NXPH2: variants seen among roughly 807,000 people sequenced by gnomAD.
NXPH2 encodes neurexophilin-2.
NXPH2 carries 5 observed loss-of-function variants against 19.8 expected under a neutral mutation model. The observed-to-expected ratio is 0.25, with a 90% CI of 0.13 to 0.53. The LOEUF (loss-of-function observed/expected upper bound fraction) is 0.53, where lower values mean the gene tolerates loss of function less well. Ranked by LOEUF, NXPH2 falls within the 20% of genes least tolerant of loss-of-function variation. NXPH2 has a pLI of 0.96. For synonymous variants in NXPH2, 154 were observed against 127.4 expected (o/e 1.21, Z -1.41); for missense variants, 289 against 322.8 (o/e 0.90, Z 0.80).
Position 138,777,831 on chromosome 2 carries a change from T to TAAAAAA in NXPH2, c.51+2354_51+2359dup, listed in dbSNP as rs11299940. ...CTTCACTCCTCCCTCACCAAAAAAT[T>TAAAAAA]AAAAAAAAAAAAAAAAAAAAAAAGC... On this transcript the variant is annotated intron_variant, in intron 1 of 1. Coordinates refer to ENST00000272641, the MANE Select transcript of NXPH2 (RefSeq NM_007226.3). Among the ~76,000 whole-genome samples, 140 of 92,952 alleles carry TAAAAAA rather than the reference T, an allele frequency of 1.5e-3. 1 individual carries two copies. Among genetic ancestry groups the TAAAAAA allele is most frequent in the South Asian group, 2.2e-3 (5 of 2,304 alleles). 61.0% of individuals were successfully genotyped at this position (92,952 alleles called of 152,430 possible).
intron 1 of NXPH2, among the ~76,000 whole-genome samples, chr2:138,762,174 G>C (rs1429705923): frequency 1.3e-5 from 2 of 152,044 alleles, no homozygotes; most frequent in Non-Finnish European, 2.9e-5. Context: ...GGAGATGAGA[G>C]GTCAAAATAC....
rs181494502 is a variant in NXPH2, at chr2:138,756,545, G to A, written c.51+23646C>T. Among the ~76,000 whole-genome samples, 15 of 151,606 alleles carry A rather than the reference G, an allele frequency of 9.9e-5. No homozygotes were observed. The East Asian group carries it at 2.7e-3, about 27-fold the overall frequency. ...GTAGCTTTTACTTAATCTTTCAAAA[G>A]TGTTTAACTGAATTTTTATGAAAGA... On this transcript the variant is annotated intron_variant, in intron 1 of 1. Transcript: ENST00000272641.
At position 138,671,232 on chromosome 2, in the gene NXPH2, G is replaced by T. The variant is rs1680408934; in HGVS notation, c.485C>A (p.Pro162Gln). 1 of 1,613,658 alleles carries T rather than the reference G, an allele frequency of 6.2e-7. No individual in the cohort carries two copies. Among genetic ancestry groups the T allele is most frequent in the Admixed American group, 1.7e-5 (1 of 59,982 alleles). ...GLGNVSVSLV[P>Q]PSKVVEFEVS... Reference sequence around the variant, plus strand: ...TTCAAATTCCACCACCTTGGAGGGTGGTACCAAGCTCACTGAAACATTGCC... The same window carrying T: ...TTCAAATTCCACCACCTTGGAGGGTTGTACCAAGCTCACTGAAACATTGCC... The change falls in exon 2 of 2, where the codon CCA becomes CAA. Residue 162 changes from proline to glutamine, a missense_variant. Transcript: ENST00000272641.
chr2:138,756,665 C>T (rs566863603), intron 1 of NXPH2, among the ~76,000 whole-genome samples: 13 of 152,134 alleles, frequency 8.5e-5, no homozygotes, highest in Non-Finnish European at 1.8e-4. Flanking sequence ...GGCATAAATA[C>T]GTTGGATACA....
intron 1 of NXPH2, among the ~76,000 whole-genome samples, chr2:138,764,684 A>G (rs577000316): frequency 1.3e-5 from 2 of 152,338 alleles, no homozygotes; most frequent in East Asian, 3.9e-4. Flanking sequence ...AAATTATATA[A>G]CTGGTAAGAA....
intron 1 of NXPH2, among the ~76,000 whole-genome samples, chr2:138,760,263 A>G (rs960377069): frequency 2.4e-4 from 37 of 152,296 alleles, no homozygotes; most frequent in African/African-American, 8.4e-4. Context: ...AATGAGCAAT[A>G]AGACACTCAT....
chr2:138,753,222 G>A (rs1261226809), intron 1 of NXPH2, among the ~76,000 whole-genome samples: 1 of 152,094 alleles, frequency 6.6e-6, no homozygotes, highest in African/African-American at 2.4e-5. Context: ...TATACTTTGG[G>A]TTATAATCTA....
At chr2:138,703,440 G>T (rs997035332) in intron 1 of NXPH2, among the ~76,000 whole-genome samples, 23 of 152,072 alleles carry the variant, frequency 1.5e-4, no homozygotes, top group African/African-American at 5.6e-4. Flanking sequence ...AAGTCCCCAG[G>T]GCCTTCTAAA....
intron 1 of NXPH2, among the ~76,000 whole-genome samples, chr2:138,699,452 A>G (rs1327606473): frequency 6.6e-6 from 1 of 152,128 alleles, no homozygotes; most frequent in East Asian, 1.9e-4. Context: ...TTCATTAAGA[A>G]TCATCCTTAA....
chr2:138,685,377 C>T (rs1200108363), intron 1 of NXPH2, among the ~76,000 whole-genome samples: 1 of 152,180 alleles, frequency 6.6e-6, no homozygotes, highest in Non-Finnish European at 1.5e-5. Context: ...TAGATATGCT[C>T]ATGTGTAAAT....
At chr2:138,744,991 C>G (rs1162439818) in intron 1 of NXPH2, among the ~76,000 whole-genome samples, 1 of 152,166 alleles carries the variant, frequency 6.6e-6, no homozygotes, top group East Asian at 1.9e-4. Context: ...TGTCAGCTCT[C>G]CATGTATGGC....
At chr2:138,741,246 C>A (rs1183865326) in intron 1 of NXPH2, among the ~76,000 whole-genome samples, 1 of 152,060 alleles carries the variant, frequency 6.6e-6, no homozygotes, top group Non-Finnish European at 1.5e-5. Flanking sequence ...TAGTCCATGG[C>A]AGTATAATGT....
intron 1 of NXPH2, among the ~76,000 whole-genome samples, chr2:138,723,061 C>G (rs905437136): frequency 6.6e-6 from 1 of 152,054 alleles, no homozygotes; most frequent in Admixed American, 6.6e-5. Flanking sequence ...CAAGCAAAGG[C>G]AAAAAGTGCT....
intron 1 of NXPH2, among the ~76,000 whole-genome samples, chr2:138,743,286 T>C (rs1681673506): frequency 1.3e-5 from 2 of 152,208 alleles, no homozygotes; most frequent in African/African-American, 4.8e-5. Context: ...TTAATGTCCA[T>C]TAACTGGCGA....
chr2:138,720,228 A>G (rs1681257262), intron 1 of NXPH2, among the ~76,000 whole-genome samples: 1 of 152,180 alleles, frequency 6.6e-6, no homozygotes, highest in South Asian at 2.1e-4. Context: ...TAGGTCTCGT[A>G]CTGATGGTAT....
At chr2:138,695,840 A>G (rs1156324092) in intron 1 of NXPH2, among the ~76,000 whole-genome samples, 1 of 152,138 alleles carries the variant, frequency 6.6e-6, no homozygotes, top group Non-Finnish European at 1.5e-5. Context: ...TGGTAAGCAG[A>G]TAAGTATCCA....
intron 1 of NXPH2, among the ~76,000 whole-genome samples, chr2:138,735,390 C>T (rs1173551638): frequency 1.3e-5 from 2 of 152,110 alleles, no homozygotes; most frequent in African/African-American, 4.8e-5. Flanking sequence ...CAAGTCATAT[C>T]TTACATGGAT....
In NXPH2 at chr2:138,714,536, G is replaced by A. The variant is rs181616488; in HGVS notation, c.52-42871C>T. Reference sequence around the variant, plus strand: ...GGTTATATTCAATGAGTGACTGCTGGACTCCTCTATCTAACACAGAGACAG... The same window carrying A: ...GGTTATATTCAATGAGTGACTGCTGAACTCCTCTATCTAACACAGAGACAG... On this transcript the variant is annotated intron_variant, in intron 1 of 1. Transcript: ENST00000272641. Among the ~76,000 whole-genome samples, 13 of 152,096 alleles carry A rather than the reference G, an allele frequency of 8.5e-5. No homozygotes were observed. The East Asian group carries it at 2.5e-3, about 29-fold the overall frequency.
At chr2:138,752,547 TC>T (rs1334532822) in intron 1 of NXPH2, among the ~76,000 whole-genome samples, 1 of 152,138 alleles carries the variant, frequency 6.6e-6, no homozygotes, top group Non-Finnish European at 1.5e-5. Context: ...ACACCTAATT[TC>T]CCTAGTTTCA....
Sources: allele counts gnomAD v4.1 joint callset (sites outside exome capture counted in the v4.1 genomes callset), GRCh38; gene constraint gnomAD v4.1.1; transcripts MANE v1.5; gene names NCBI Gene and HGNC (gene_info 2026-07-23, HGNC 2026-07-21).